Variants in GPR89B observed in about 807,000 individuals in gnomAD.
GPR89B encodes G protein-coupled receptor 89B.
A neutral mutation model predicts 52.4 loss-of-function variants in GPR89B; 25 were observed. That is an observed-to-expected ratio of 0.48 (90% confidence interval 0.35 to 0.67). The LOEUF (loss-of-function observed/expected upper bound fraction) is 0.67, where lower values mean the gene tolerates loss of function less well. Ranked by LOEUF, GPR89B falls within the 30% of genes least tolerant of loss-of-function variation. The pLI is 0.01. For missense variants in GPR89B, 146 were observed against 450.2 expected (o/e 0.32, Z 6.11); for synonymous variants, 52 against 151.2 (o/e 0.34, Z 4.81).
chr1:147,945,203 C>T (rs2149046152), intron 5 of GPR89B, among the ~76,000 whole-genome samples: 1 of 141,336 alleles, frequency 7.1e-6, no homozygotes, highest in Middle Eastern at 3.5e-3. Context: ...GCTATCACCA[C>T]CCCTACATTG....
intron 5 of GPR89B, among the ~76,000 whole-genome samples, chr1:147,950,014 G>T (rs1419149306): frequency 3.0e-4 from 45 of 147,896 alleles, no homozygotes; most frequent in African/African-American, 1.1e-3. Context: ...CGGCTGGCCG[G>T]GCGGGGGGCT....
chr1:147,928,430 C>G lies in GPR89B; in HGVS notation c.-107C>G. On this transcript the variant is annotated 5_prime_UTR_variant, in exon 1 of 14. Coordinates refer to ENST00000314163, the MANE Select transcript of GPR89B (RefSeq NM_016334.5). ...TCGGGCTGGAGAGCCGCAGTCCCGG[C>G]TGCAGCACCTGGGAGAAGGCAGACC... The G allele has an allele frequency of 1.5e-6, 2 of 1,366,432 alleles. No homozygotes were observed. Among genetic ancestry groups the G allele is most frequent in the Non-Finnish European group, 2.1e-6 (2 of 973,620 alleles). 84.6% of individuals were successfully genotyped at this position (1,366,432 alleles called of 1,614,324 possible).
chr1:147,963,575 T>C lies in GPR89B; in HGVS notation c.618-2979T>C, dbSNP rs1273792051. Reference sequence around the variant, plus strand: ...TTGTAGAGGATATACAAATGGCACATAACCACATGAAAAGGTGTTCAACAT... The same window carrying C: ...TTGTAGAGGATATACAAATGGCACACAACCACATGAAAAGGTGTTCAACAT... On this transcript the variant is annotated intron_variant, in intron 7 of 13. Coordinates refer to ENST00000314163, the MANE Select transcript of GPR89B (RefSeq NM_016334.5). Among the ~76,000 whole-genome samples, 114 of 152,160 alleles carry C rather than the reference T, an allele frequency of 7.5e-4. 2 individuals carry two copies. In the South Asian group the frequency reaches 0.023, roughly 31 times the overall value.
chr1:147,958,005 G>A (rs1656250278), intron 7 of GPR89B, among the ~76,000 whole-genome samples: 2 of 151,392 alleles, frequency 1.3e-5, no homozygotes, highest in African/African-American at 2.4e-5. Context: ...CGGAGCTTGC[G>A]GTAAGCCCAC....
chr1:147,931,051 A>G (rs1653555401), intron 1 of GPR89B, among the ~76,000 whole-genome samples: 1 of 151,760 alleles, frequency 6.6e-6, no homozygotes, highest in Admixed American at 6.6e-5. Context: ...TTTTGTAATT[A>G]CTTGTTTATC....
the GPR89B span, among the ~76,000 whole-genome samples, chr1:148,018,908 C>T: frequency 1.3e-4 from 20 of 151,508 alleles, no homozygotes; most frequent in Admixed American, 1.1e-3. Flanking sequence ...TCAGGTGATC[C>T]GCCCGCCTCG....
chr1:147,939,883 C>T, intron 3 of GPR89B, among the ~76,000 whole-genome samples: 1 of 151,392 alleles, frequency 6.6e-6, no homozygotes, highest in Non-Finnish European at 1.5e-5. Flanking sequence ...GTCTGTAGTG[C>T]CAGCTACCCT....
chr1:148,003,967 T>C, the GPR89B span: 1 of 560,886 alleles, frequency 1.8e-6, no homozygotes, highest in African/African-American at 2.2e-5. Flanking sequence ...ATGACACGGC[T>C]TCCTGACTTC....
the GPR89B span, among the ~76,000 whole-genome samples, chr1:148,012,689 G>A: frequency 6.6e-5 from 10 of 151,896 alleles, no homozygotes; most frequent in African/African-American, 1.2e-4. Context: ...TAATATCTCC[G>A]TTTCAGGAGA....
intron 2 of GPR89B, 103 bp from the exon 3 acceptor site, chr1:147,938,611 G>T (rs1282592908): frequency 5.0e-6 from 8 of 1,589,758 alleles, no homozygotes; most frequent in Non-Finnish European, 6.9e-6. Context: ...AATGACTTGA[G>T]AATTTCCTCA....
intron 10 of GPR89B, among the ~76,000 whole-genome samples, chr1:147,981,809 T>C (rs1184783221): frequency 4.6e-5 from 7 of 150,876 alleles, no homozygotes; most frequent in Non-Finnish European, 1.5e-5. Flanking sequence ...CGTACCACCA[T>C]GCCTGGCTGA....
intron 10 of GPR89B, among the ~76,000 whole-genome samples, chr1:147,984,005 T>G (rs1362619447): frequency 1.3e-5 from 2 of 150,910 alleles, no homozygotes; most frequent in Admixed American, 6.6e-5. Flanking sequence ...CCATAAAAAA[T>G]GATGAGTTCA....
intron 7 of GPR89B, among the ~76,000 whole-genome samples, chr1:147,965,188 AT>A (rs1343193938): frequency 6.6e-6 from 1 of 151,502 alleles, no homozygotes; most frequent in African/African-American, 2.4e-5. Context: ...GGCAAAGGTC[AT>A]TTTCAAAAGG....
intron 10 of GPR89B, among the ~76,000 whole-genome samples, chr1:147,971,477 T>C (rs2149079444): frequency 6.8e-6 from 1 of 146,660 alleles, no homozygotes; most frequent in East Asian, 2.0e-4. Context: ...TTTTTTTTTT[T>C]TTTTTTTTTT....
downstream of GPR89B, chr1:147,994,030 G>T: frequency 7.0e-6 from 7 of 995,944 alleles, no homozygotes; most frequent in Non-Finnish European, 9.4e-6. Context: ...ACAGAGAAAT[G>T]TAGTTAAGTT....
intron 5 of GPR89B, among the ~76,000 whole-genome samples, chr1:147,949,236 C>G (rs1420528573): frequency 6.6e-6 from 1 of 152,054 alleles, no homozygotes; most frequent in African/African-American, 2.4e-5. Context: ...TCCACAAAAC[C>G]GCCATTGTCA....
the GPR89B span, among the ~76,000 whole-genome samples, chr1:148,017,307 G>A: frequency 6.6e-6 from 1 of 151,438 alleles, no homozygotes; most frequent in African/African-American, 2.4e-5. Flanking sequence ...CTCCCAAAGT[G>A]CTGGGATTAC....
At chr1:148,017,196 G>A in the GPR89B span, among the ~76,000 whole-genome samples, 8 of 151,414 alleles carry the variant, frequency 5.3e-5, no homozygotes, top group Non-Finnish European at 1.0e-4. Context: ...TGCGTGCCAG[G>A]ACACCCAGGT....
At chr1:147,933,712 C>T (rs1201123819) in intron 1 of GPR89B, among the ~76,000 whole-genome samples, 1 of 151,306 alleles carries the variant, frequency 6.6e-6, no homozygotes, top group Non-Finnish European at 1.5e-5. Flanking sequence ...CTAAATAGTT[C>T]TCAAATCTGT....
Sources: allele counts gnomAD v4.1 joint callset (sites outside exome capture counted in the v4.1 genomes callset), GRCh38; gene constraint gnomAD v4.1.1; transcripts MANE v1.5; gene names NCBI Gene and HGNC (gene_info 2026-07-23, HGNC 2026-07-21).